ARRB1: variants seen among roughly 807,000 people sequenced by gnomAD.
The protein encoded by ARRB1 is beta-arrestin-1.
ARRB1 carries 21 observed loss-of-function variants against 56.8 expected under a neutral mutation model. That is an observed-to-expected ratio of 0.37 (90% CI 0.26 to 0.53). The LOEUF (loss-of-function observed/expected upper bound fraction) is 0.53, where lower values mean the gene tolerates loss of function less well. Ranked by LOEUF, ARRB1 falls within the 20% of genes least tolerant of loss-of-function variation. The pLI is 0.88. For synonymous variants in ARRB1, 210 were observed against 218.6 expected, an observed-to-expected ratio of 0.96 and a Z score of 0.35; for missense variants, 424 against 553.7, an observed-to-expected ratio of 0.77 and a Z score of 2.35.
intron 1 of ARRB1, among the ~76,000 whole-genome samples, chr11:75,319,206 C>T (rs552943562): frequency 6.6e-6 from 1 of 152,214 alleles, no homozygotes; most frequent in East Asian, 1.9e-4. Context: ...GGGAGCAGAG[C>T]CCAAGCCTCA....
At chr11:75,278,566 T>C in intron 8 of ARRB1, 43 bp downstream of exon 8, 2 of 1,612,564 alleles carry the variant, frequency 1.2e-6, no homozygotes, top group Non-Finnish European at 1.7e-6. Flanking sequence ...GCCCAGGCCC[T>C]GGTGGAGCAG....
intron 11 of ARRB1, 128 bp downstream of exon 11, chr11:75,273,946 G>A: frequency 2.1e-6 from 3 of 1,425,172 alleles, no homozygotes; most frequent in Non-Finnish European, 2.9e-6. Context: ...AGCACCTGAG[G>A]ACAGGCCCTG....
chr11:75,277,475 T>A, intron 8 of ARRB1, 27 bp from the exon 9 acceptor site: 1 of 1,601,484 alleles, frequency 6.2e-7, no homozygotes, highest in Non-Finnish European at 8.6e-7. Context: ...GGGACGGGGT[T>A]GGCTGGGAGG....
chr11:75,348,632 C>T (rs947980681), intron 1 of ARRB1, among the ~76,000 whole-genome samples: 11 of 151,812 alleles, frequency 7.2e-5, no homozygotes, highest in African/African-American at 2.2e-4. Context: ...GGGTCTCACT[C>T]TCTCATCCAG....
intron 1 of ARRB1, among the ~76,000 whole-genome samples, chr11:75,331,428 G>GC (rs1947517287): frequency 6.6e-6 from 1 of 152,010 alleles, no homozygotes; most frequent in Non-Finnish European, 1.5e-5. Flanking sequence ...AGACATCACA[G>GC]CCCCCGTGAC....
chr11:75,348,190 A>C (rs1392243872), intron 1 of ARRB1, among the ~76,000 whole-genome samples: 1 of 152,160 alleles, frequency 6.6e-6, no homozygotes, highest in Non-Finnish European at 1.5e-5. Flanking sequence ...CCCAGGCCCC[A>C]GGCTGCACGC....
intron 1 of ARRB1, among the ~76,000 whole-genome samples, chr11:75,338,086 T>A (rs1340262860): frequency 6.6e-6 from 1 of 151,752 alleles, no homozygotes; most frequent in African/African-American, 2.4e-5. Flanking sequence ...TGCAGCCAGG[T>A]TGTTAGCAGT....
At chr11:75,266,739 C>T (rs1408204655) in intron 15 of ARRB1, among the ~76,000 whole-genome samples, 2 of 152,146 alleles carry the variant, frequency 1.3e-5, no homozygotes, top group Non-Finnish European at 2.9e-5. Flanking sequence ...GAAGCATTCC[C>T]GTTTCTGGAC....
chr11:75,297,317 T>A (rs1446801496), intron 1 of ARRB1, among the ~76,000 whole-genome samples: 1 of 151,890 alleles, frequency 6.6e-6, no homozygotes, highest in Non-Finnish European at 1.5e-5. Flanking sequence ...CTTCCCATTT[T>A]CAAAACTTAC....
At chr11:75,296,815 T>C (rs1164928864) in intron 1 of ARRB1, among the ~76,000 whole-genome samples, 1 of 152,052 alleles carries the variant, frequency 6.6e-6, no homozygotes, top group South Asian at 2.1e-4. Flanking sequence ...GTAGCTGGGA[T>C]TACTGGTGCA....
chr11:75,306,803 G>A, intron 1 of ARRB1: 3 of 603,918 alleles, frequency 5.0e-6, no homozygotes, highest in Non-Finnish European at 7.4e-6. Flanking sequence ...CTCGGGCCAT[G>A]GAGGGCGGAT....
chr11:75,296,204 A>AAAG (rs1946745090), intron 1 of ARRB1, among the ~76,000 whole-genome samples: 1 of 151,852 alleles, frequency 6.6e-6, no homozygotes, highest in Non-Finnish European at 1.5e-5. Context: ...AAAAAAAAAA[A>AAAG]AAAGAGTATT....
chr11:75,322,953 G>A (rs566671932), intron 1 of ARRB1, among the ~76,000 whole-genome samples: 44 of 152,298 alleles, frequency 2.9e-4, no homozygotes, highest in African/African-American at 9.6e-4. Context: ...GCAACTTTAC[G>A]CATGTAAAGA....
At chr11:75,346,654 C>T (rs1947772205) in intron 1 of ARRB1, among the ~76,000 whole-genome samples, 2 of 152,210 alleles carry the variant, frequency 1.3e-5, no homozygotes, top group Admixed American at 6.5e-5. Flanking sequence ...TCCAGCTCAT[C>T]CTCTGTGGGT....
At chr11:75,314,129 G>T (rs750087969) in intron 1 of ARRB1, among the ~76,000 whole-genome samples, 1 of 152,128 alleles carries the variant, frequency 6.6e-6, no homozygotes, top group South Asian at 2.1e-4. Flanking sequence ...TCACTTCGGG[G>T]TCTCCCACAG....
chr11:75,269,070 G>A (rs1338745679), intron 13 of ARRB1, 111 bp from the exon 14 acceptor site: 1 of 1,226,018 alleles, frequency 8.2e-7, no homozygotes, highest in East Asian at 2.4e-5. Context: ...CGTCAGAGGA[G>A]GTAGATCCAA....
At chr11:75,342,532 C>T (rs1435872735) in intron 1 of ARRB1, among the ~76,000 whole-genome samples, 9 of 152,174 alleles carry the variant, frequency 5.9e-5, no homozygotes, top group Admixed American at 5.9e-4. Flanking sequence ...GCTCCTTGAT[C>T]ACCGGTGGGT....
In ARRB1 at chr11:75,268,991, G is replaced by A. The variant is rs370680780; in HGVS notation, c.1023-32C>T. 1.0e-4 allele frequency: 162 copies of A among 1,600,368 alleles called. No individual in the cohort carries two copies. The African/African-American group carries it at 1.9e-3, about 18-fold the overall frequency. ...CAGAGACCCAGACCCAGTGAGCCTT[G>A]AGCGGACTCACAGGCTGTGAGACTT... is the stretch of plus-strand genomic sequence containing the variant. On this transcript the variant is annotated intron_variant, in intron 13 of 15. Transcript: ENST00000420843.
chr11:75,295,956 G>A (rs532030188), intron 1 of ARRB1, among the ~76,000 whole-genome samples: 38 of 152,182 alleles, frequency 2.5e-4, no homozygotes, highest in African/African-American at 7.7e-4. Flanking sequence ...AGGCTGAGGC[G>A]GGCGGATCAC....
Sources: gnomAD v4.1 joint callset for allele counts (sites outside exome capture counted in the v4.1 genomes callset) on GRCh38, gnomAD v4.1.1 for gene constraint, MANE v1.5 for transcripts, NCBI Gene and HGNC (gene_info 2026-07-23, HGNC 2026-07-21) for gene names.